The following TMEM184B variants were observed in gnomAD, a reference collection of about 807,000 sequenced individuals.
The protein encoded by TMEM184B is putative MAPK-activating protein FM08.
TMEM184B carries 17 observed loss-of-function variants against 41.8 expected under a neutral mutation model. The ratio of observed to expected loss-of-function variants is 0.41; its 90% CI spans 0.28 to 0.61. TMEM184B has a LOEUF of 0.61. TMEM184B is among the 20% of genes least tolerant of loss of function. The pLI is 0.34. For missense variants in TMEM184B, 393 were observed against 557.8 expected (o/e 0.70, Z 2.98); for synonymous variants, 240 against 229.5 (o/e 1.05, Z -0.41).
intron 1 of TMEM184B, among the ~76,000 whole-genome samples, chr22:38,257,368 C>T (rs1188385577): frequency 6.6e-6 from 1 of 152,090 alleles, no homozygotes; most frequent in Non-Finnish European, 1.5e-5. Context: ...TCAACAAATC[C>T]TTTGCATACT....
intron 1 of TMEM184B, among the ~76,000 whole-genome samples, chr22:38,254,138 T>A (rs1392264394): frequency 6.8e-6 from 1 of 146,038 alleles, no homozygotes; most frequent in Non-Finnish European, 1.5e-5. Flanking sequence ...AAGGCAGAGG[T>A]TGCAGTGAGC....
rs1282544493 is a variant in TMEM184B, at chr22:38,239,686, G to A, written c.358+6249C>T. ...ATCCTCAGAACACGGTCCAGCTGAG[G>A]GCAGTAATGGGACAACTTGGAGAAA... On this transcript the variant is annotated intron_variant, in intron 3 of 8. Coordinates refer to ENST00000361906, the MANE Select transcript of TMEM184B (RefSeq NM_012264.5). The surrounding 1 kb of genome is among the most constrained non-coding windows in gnomAD (Gnocchi z 4.6). 6.6e-6 allele frequency among the ~76,000 whole-genome samples: 1 copy of A among 152,190 alleles called. No homozygotes were observed. Among genetic ancestry groups the A allele is most frequent in the African/African-American group, 2.4e-5 (1 of 41,438 alleles).
chr22:38,247,782 G>C lies in TMEM184B; in HGVS notation c.180C>G (p.Ile60Met). The C allele has an allele frequency of 6.2e-7, 1 of 1,612,836 alleles. No individual in the cohort carries two copies. The highest frequency in any genetic ancestry group is 1.7e-5 in the Admixed American group (1 of 59,926). Residue 60 changes from isoleucine (I) to methionine (M), a missense_variant, in exon 2 of 9, where the codon ATC becomes ATG. This residue lies in a region of TMEM184B where 122 missense variants were observed against 123.7 expected (regional missense o/e 0.99). Transcript: ENST00000361906. ...SGFFVWTALL[I>M]TCHQIYMHLR... Reference sequence around the variant, plus strand: ...CAGGCTTGGGTACCTGGTGGCATGTGATGAGCAGGGCCGTCCACACGAAGA... The same window carrying C: ...CAGGCTTGGGTACCTGGTGGCATGTCATGAGCAGGGCCGTCCACACGAAGA...
rs758568685 is a variant in TMEM184B, at chr22:38,221,722, G to C, written c.983-12C>G. 6.2e-6 allele frequency: 10 copies of C among 1,612,720 alleles called. No homozygotes were observed. The highest frequency in any genetic ancestry group is 8.5e-6 in the Non-Finnish European group (10 of 1,179,624). ...GGGGGCACAGCGGCCTGCCGGGCAG[G>C]GAGCGGGAGGGGCAGGTGAGGAGGC... On this transcript the variant is annotated splice_polypyrimidine_tract_variant and intron_variant, in intron 8 of 8. Coordinates refer to ENST00000361906, the MANE Select transcript of TMEM184B (RefSeq NM_012264.5).
chr22:38,224,773 C>T lies in TMEM184B; in HGVS notation c.982+12G>A, dbSNP rs1278984821. On this transcript the variant is annotated intron_variant, in intron 8 of 8. Coordinates refer to ENST00000361906, the MANE Select transcript of TMEM184B (RefSeq NM_012264.5). ...TCTCCCAGCGGGGGTCGCCTAGGAC[C>T]CTGGCTCATACCTTGTGCGTCCAGC... is the stretch of plus-strand genomic sequence containing the variant. The T allele has an allele frequency of 5.1e-6, 8 of 1,578,368 alleles. No individual in the cohort carries two copies. The highest frequency in any genetic ancestry group is 1.4e-5 in the African/African-American group (1 of 73,774).
At chr22:38,240,518 T>C (rs1254516606) in intron 3 of TMEM184B, among the ~76,000 whole-genome samples, 2 of 152,032 alleles carry the variant, frequency 1.3e-5, no homozygotes, top group African/African-American at 4.8e-5. Context: ...CTAGCAGGAA[T>C]TCCAGAAAGG....
At chr22:38,240,396 ACAAT>A (rs2091878104) in intron 3 of TMEM184B, among the ~76,000 whole-genome samples, 1 of 152,120 alleles carries the variant, frequency 6.6e-6, no homozygotes, top group Non-Finnish European at 1.5e-5. Context: ...AAAAAAACAA[ACAAT>A]CAAAAACAAA....
chr22:38,247,020 G>C lies in TMEM184B; in HGVS notation c.192+750C>G, dbSNP rs559921270. On this transcript the variant is annotated intron_variant, in intron 2 of 8. Coordinates refer to ENST00000361906, the MANE Select transcript of TMEM184B (RefSeq NM_012264.5). ...TAGGGAACACGAGCAGACTCACCCT[G>C]CCCCTCTCCACTGGACCACCTTCAA... The C allele has an allele frequency of 4.3e-5, 18 of 422,288 alleles. No homozygotes were observed. In the East Asian group the frequency reaches 1.5e-3, roughly 36 times the overall value. 26.2% of individuals were successfully genotyped at this position (422,288 alleles called of 1,614,324 possible).
chr22:38,267,063 G>A (rs766056338), intron 1 of TMEM184B, among the ~76,000 whole-genome samples: 7 of 146,832 alleles, frequency 4.8e-5, no homozygotes, highest in Non-Finnish European at 7.5e-5. Context: ...CTGCCTGGGC[G>A]ACAGAGCAAA....
rs2091208214 is a variant in TMEM184B at position 38,219,746 on chromosome 22, G to C, written c.*1723C>G. On this transcript the variant is annotated 3_prime_UTR_variant, in exon 9 of 9. Transcript: ENST00000361906. ...TGGAGGGAGAAGGGAAGCCACGGTG[G>C]AGAGACAGCTTGGTGAAAGCAGATG... 1.0e-6 allele frequency: 1 copy of C among 985,584 alleles called. No homozygotes were observed. Among genetic ancestry groups the C allele is most frequent in the Admixed American group, 6.1e-5 (1 of 16,276 alleles). 61.1% of individuals were successfully genotyped at this position (985,584 alleles called of 1,614,324 possible).
intron 1 of TMEM184B, among the ~76,000 whole-genome samples, chr22:38,264,415 T>G (rs1222611072): frequency 4.7e-5 from 7 of 147,884 alleles, no homozygotes; most frequent in Non-Finnish European, 7.4e-5. Flanking sequence ...TGGGAGGGGG[T>G]GGGGGTGCAG....
chr22:38,217,809 T>TA (rs1411004019), downstream of TMEM184B, among the ~76,000 whole-genome samples: 2 of 122,818 alleles, frequency 1.6e-5, no homozygotes, highest in Admixed American at 1.1e-4. Context: ...CCAGCCTGGG[T>TA]GACAGAGCAA....
intron 8 of TMEM184B, chr22:38,221,998 T>C: frequency 2.1e-6 from 1 of 478,984 alleles, no homozygotes; most frequent in Non-Finnish European, 3.8e-6. Context: ...GGGTGGAGAC[T>C]GGCAAGCTAT....
intron 1 of TMEM184B, among the ~76,000 whole-genome samples, chr22:38,265,833 G>A (rs1418549742): frequency 2.0e-5 from 3 of 152,226 alleles, no homozygotes; most frequent in Non-Finnish European, 4.4e-5. Context: ...GTGGGGACCA[G>A]GAGGCTCTGC....
In TMEM184B at chr22:38,220,476, CCTCCCAG is replaced by C. The variant is rs1207906408; in HGVS notation, c.*986_*992del. 3 of 985,800 alleles carry C rather than the reference CCTCCCAG, an allele frequency of 3.0e-6. No individual in the cohort carries two copies. Among genetic ancestry groups the C allele is most frequent in the Non-Finnish European group, 2.4e-6 (2 of 830,032 alleles). The allele number at this position is 985,800 out of a possible 1,614,324, so 61.1% of individuals were successfully genotyped here. A position where few individuals can be genotyped will look rare whatever the true frequency, so the allele number is the denominator to read the frequency against. On this transcript the variant is annotated 3_prime_UTR_variant, in exon 9 of 9. Transcript: ENST00000361906. ...GAGGAGTCTGGGACCATTCCCCCCACCTCCCAGCTCCCCACTGTGTGGCCACCCCTCC... is the reference window on the plus strand; with the variant it reads ...GAGGAGTCTGGGACCATTCCCCCCACCTCCCCACTGTGTGGCCACCCCTCC...
At chr22:38,252,986 C>T (rs1323599749) in intron 1 of TMEM184B, among the ~76,000 whole-genome samples, 1 of 151,786 alleles carries the variant, frequency 6.6e-6, no homozygotes, top group Non-Finnish European at 1.5e-5. Context: ...ACTAAAAATA[C>T]AAAAAATTAG....
chr22:38,245,883 T>TA, intron 3 of TMEM184B, 52 bp downstream of exon 3: 29 of 1,288,674 alleles, frequency 2.3e-5, no homozygotes, highest in Non-Finnish European at 2.9e-5. Flanking sequence ...GGACAGGGGC[T>TA]CCCAGCCCCC....
intron 2 of TMEM184B, 149 bp from the exon 3 acceptor site, chr22:38,246,249 G>C: frequency 1.0e-6 from 1 of 994,284 alleles, no homozygotes; most frequent in African/African-American, 1.6e-5. Context: ...GCAAAATGCG[G>C]GATGACAGGA....
intron 2 of TMEM184B, chr22:38,246,613 C>A (rs1187976524): frequency 6.3e-6 from 2 of 317,882 alleles, no homozygotes; most frequent in East Asian, 1.9e-4. Context: ...GGTGGACACA[C>A]TTCCTGGCCG....
Sources: gnomAD v4.1 joint callset for allele counts (sites outside exome capture counted in the v4.1 genomes callset) on GRCh38, gnomAD v4.1.1 for gene constraint, gnomAD v4.1.1 regional missense constraint, Gnocchi (gnomAD v3.1) non-coding constraint, MANE v1.5 for transcripts, NCBI Gene and HGNC (gene_info 2026-07-23, HGNC 2026-07-21) for gene names.